Variants in ATP8A2 observed in about 807,000 individuals in gnomAD.
The protein encoded by ATP8A2 is phospholipid-transporting ATPase IB.
In ATP8A2, 100 loss-of-function variants were observed where a neutral mutation model predicts 165.6. The observed-to-expected ratio is 0.60, with a 90% CI of 0.51 to 0.71. The LOEUF is 0.71. Among genes scored for constraint, ATP8A2 ranks in the 30% least tolerant of loss-of-function variants. ATP8A2 has a pLI of 0.00. For missense variants in ATP8A2, 1,227 were observed against 1,479.5 expected, an observed-to-expected ratio of 0.83 and a Z score of 2.80; for synonymous variants, 543 against 548.8, an observed-to-expected ratio of 0.99 and a Z score of 0.15.
intron 36 of ATP8A2, among the ~76,000 whole-genome samples, chr13:26,015,032 A>G (rs1956936962): frequency 6.6e-6 from 1 of 152,188 alleles, no homozygotes; most frequent in African/African-American, 2.4e-5. Flanking sequence ...TACACGATAT[A>G]TATGTTGTGA....
intron 2 of ATP8A2, among the ~76,000 whole-genome samples, chr13:25,513,904 GC>G (rs1308463807): frequency 6.7e-6 from 1 of 150,062 alleles, no homozygotes; most frequent in Non-Finnish European, 1.5e-5. Context: ...CGAGATGGGA[GC>G]AGTAAAGTCC....
At chr13:25,656,767 C>A (rs984800165) in intron 24 of ATP8A2, among the ~76,000 whole-genome samples, 3 of 148,138 alleles carry the variant, frequency 2.0e-5, no homozygotes, top group African/African-American at 5.0e-5. Flanking sequence ...GATATATTTT[C>A]TTCAGCTGGG....
chr13:25,880,236 C>T lies in ATP8A2; in HGVS notation c.3183+17828C>T, dbSNP rs116675742. On this transcript the variant is annotated intron_variant, in intron 33 of 36. Coordinates refer to ENST00000381655, the MANE Select transcript of ATP8A2 (RefSeq NM_016529.6). ...TGAATAACAATTTTCCTTTCCCTCACGCTTCCAAGAAAATCCAGCGGCTAA... is the reference window on the plus strand; with the variant it reads ...TGAATAACAATTTTCCTTTCCCTCATGCTTCCAAGAAAATCCAGCGGCTAA... Among the ~76,000 whole-genome samples the T allele has an allele frequency of 6.3e-3, 955 of 152,324 alleles. 11 individuals carry two copies. The highest frequency in any genetic ancestry group is 0.022 in the African/African-American group (894 of 41,576).
intron 1 of ATP8A2, among the ~76,000 whole-genome samples, chr13:25,434,019 T>C (rs2138162422): frequency 6.6e-6 from 1 of 152,246 alleles, no homozygotes; most frequent in East Asian, 1.9e-4. Flanking sequence ...AAGTACAATG[T>C]TTACTATTTG....
intron 33 of ATP8A2, among the ~76,000 whole-genome samples, chr13:25,947,870 C>T (rs768502302): frequency 5.9e-5 from 9 of 152,082 alleles, no homozygotes; most frequent in Admixed American, 6.6e-5. Flanking sequence ...CATCAAAGAG[C>T]GACATCTGAG....
In ATP8A2 at chr13:25,828,312, A is replaced by G. The variant is rs1951371867; in HGVS notation, c.2754+120A>G. The G allele has an allele frequency of 7.1e-6, 6 of 850,142 alleles. No individual in the cohort carries two copies. The East Asian group carries it at 1.2e-4, about 17-fold the overall frequency. 52.7% of individuals were successfully genotyped at this position (850,142 alleles called of 1,614,324 possible). A position where few individuals can be genotyped will look rare whatever the true frequency, so the allele number is the denominator to read the frequency against. ...ATCATCTGTATACTTAGCAGGCAGC[A>G]CAAATACATCTTTGGGCCCTTTGTT... On this transcript the variant is annotated intron_variant, in intron 28 of 36. Coordinates refer to ENST00000381655, the MANE Select transcript of ATP8A2 (RefSeq NM_016529.6).
chr13:25,946,753 GT>G (rs1955224462), intron 33 of ATP8A2, among the ~76,000 whole-genome samples: 1 of 142,144 alleles, frequency 7.0e-6, no homozygotes, highest in South Asian at 2.3e-4. Context: ...TTTTTTGTTT[GT>G]TTTGTTTTTT....
chr13:25,884,520 C>T (rs892462137), intron 33 of ATP8A2, among the ~76,000 whole-genome samples: 1 of 152,302 alleles, frequency 6.6e-6, no homozygotes, highest in Non-Finnish European at 1.5e-5. Context: ...GGCAAGAGAT[C>T]ACTCCAAAAT....
chr13:25,907,678 G>A (rs924976570), intron 33 of ATP8A2, among the ~76,000 whole-genome samples: 3 of 152,100 alleles, frequency 2.0e-5, no homozygotes, highest in Non-Finnish European at 1.5e-5. Context: ...CTTCTTAACA[G>A]GCCTGTTGAA....
In ATP8A2 at chr13:25,599,983, C is replaced by T. The variant is rs577721401; in HGVS notation, c.2211+10284C>T. Among the ~76,000 whole-genome samples, 4 of 152,244 alleles carry T rather than the reference C, an allele frequency of 2.6e-5. No homozygotes were observed. The South Asian group carries it at 8.3e-4, about 32-fold the overall frequency. The stretch of plus-strand genomic sequence containing the variant: ...AGAGTTCCATGCAGGAAATGGTGAC[C>T]GTCAAGTTCTGCTCAGGAGATAAAA... On this transcript the variant is annotated intron_variant, in intron 24 of 36. Transcript: ENST00000381655.
intron 24 of ATP8A2, among the ~76,000 whole-genome samples, chr13:25,691,079 G>T (rs1434704483): frequency 1.3e-5 from 2 of 152,202 alleles, no homozygotes; most frequent in East Asian, 3.8e-4. Flanking sequence ...CAGGCTAGGT[G>T]AATAGGCCAA....
chr13:25,405,304 G>A (rs1022504013), intron 1 of ATP8A2, among the ~76,000 whole-genome samples: 4 of 152,306 alleles, frequency 2.6e-5, no homozygotes, highest in South Asian at 4.1e-4. Flanking sequence ...AAGTTGATCC[G>A]AGTCCAGCAA....
chr13:25,665,013 C>T (rs143040591), intron 24 of ATP8A2, among the ~76,000 whole-genome samples: 2 of 151,288 alleles, frequency 1.3e-5, no homozygotes, highest in African/African-American at 2.4e-5. Flanking sequence ...AAAAAAAAGC[C>T]GTCGAGACCA....
At chr13:25,535,883 G>A (rs1034835902) in intron 6 of ATP8A2, among the ~76,000 whole-genome samples, 1 of 151,570 alleles carries the variant, frequency 6.6e-6, no homozygotes, top group African/African-American at 2.4e-5. Flanking sequence ...CATTTCTTAT[G>A]TACACAAAAC....
At chr13:25,669,566 G>T (rs1370437663) in intron 24 of ATP8A2, among the ~76,000 whole-genome samples, 1 of 152,202 alleles carries the variant, frequency 6.6e-6, no homozygotes, top group Non-Finnish European at 1.5e-5. Flanking sequence ...CTCCAAGCAT[G>T]TGGCAGTCCT....
At chr13:25,894,844 T>C (rs1457611880) in intron 33 of ATP8A2, among the ~76,000 whole-genome samples, 2 of 152,164 alleles carry the variant, frequency 1.3e-5, no homozygotes, top group African/African-American at 2.4e-5. Context: ...TTGTCTGTTA[T>C]TGGTGTATAA....
chr13:25,592,652 G>A (rs1040149424), intron 24 of ATP8A2, among the ~76,000 whole-genome samples: 7 of 152,142 alleles, frequency 4.6e-5, no homozygotes, highest in African/African-American at 1.7e-4. Context: ...TGGTTCAAAG[G>A]TATCTCTAAC....
chr13:25,729,709 T>G (rs1460932721), intron 25 of ATP8A2, among the ~76,000 whole-genome samples: 1 of 152,092 alleles, frequency 6.6e-6, no homozygotes, highest in Non-Finnish European at 1.5e-5. Context: ...TAAGATGACT[T>G]TGTTAAACTG....
chr13:25,764,470 A>G (rs553882488), intron 25 of ATP8A2, among the ~76,000 whole-genome samples: 1 of 152,186 alleles, frequency 6.6e-6, no homozygotes, highest in Non-Finnish European at 1.5e-5. Flanking sequence ...GCTAGAAAAC[A>G]TTTTTACTAG....
Sources: gnomAD v4.1 joint callset for allele counts (sites outside exome capture counted in the v4.1 genomes callset) on GRCh38, gnomAD v4.1.1 for gene constraint, MANE v1.5 for transcripts, NCBI Gene and HGNC (gene_info 2026-07-23, HGNC 2026-07-21) for gene names.